The following F13B variants were observed in gnomAD, a reference collection of about 807,000 sequenced individuals.
F13B encodes the protein coagulation factor XIII B chain.
In F13B, 58 loss-of-function variants were observed where a neutral mutation model predicts 79.8. That is an observed-to-expected ratio of 0.73 (90% CI 0.59 to 0.90). The LOEUF (loss-of-function observed/expected upper bound fraction) is 0.90, where lower values mean the gene tolerates loss of function less well. Ranked by LOEUF, F13B falls within the 40% of genes least tolerant of loss-of-function variation. F13B has a pLI of 0.00. For synonymous variants in F13B, 283 were observed against 260.3 expected, an observed-to-expected ratio of 1.09 and a Z score of -0.84; for missense variants, 773 against 777.0, an observed-to-expected ratio of 0.99 and a Z score of 0.06.
At chr1:197,060,298 T>C (rs1655802941) in intron 5 of F13B, 68 bp downstream of exon 5, 2 of 1,184,392 alleles carry the variant, frequency 1.7e-6, no homozygotes, top group Admixed American at 2.0e-5. Flanking sequence ...AGGAATTTTG[T>C]CAGAGCTAAT....
intron 11 of F13B, 175 bp downstream of exon 11, chr1:197,040,347 G>T: frequency 1.7e-6 from 1 of 581,104 alleles, no homozygotes; most frequent in Non-Finnish European, 3.0e-6. Context: ...AAGGCCTGTT[G>T]AATTGATTAC....
chr1:197,062,077 G>T (rs1183163042), intron 2 of F13B, 108 bp from the exon 3 acceptor site: 4 of 928,624 alleles, frequency 4.3e-6, no homozygotes, highest in African/African-American at 3.3e-5. Flanking sequence ...TTTCATTTTG[G>T]AAATATCTGC....
rs753737260 is a variant in F13B at position 197,061,963 on chromosome 1, C to A, written c.272G>T (p.Cys91Phe). 3 of 1,610,966 alleles carry A rather than the reference C, an allele frequency of 1.9e-6. No homozygotes were observed. Among genetic ancestry groups the A allele is most frequent in the African/African-American group, 2.7e-5 (2 of 74,808 alleles). ...ACCATTACTCAGGTCAGGCTTAGTG[C>A]ATTTTTCTATGGGAAAAAAAATTAT... Reference protein sequence around the residue: ...WSPEPRCFKKCTKPDLSNGYI... With the variant: ...WSPEPRCFKKFTKPDLSNGYI... The change falls in exon 3 of 12, where the codon TGC becomes TTC. Residue 91 changes from cysteine (C) to phenylalanine (F), a missense_variant. Cys to Phe is a radical substitution (Grantham distance 205, BLOSUM62 -2). Coordinates refer to ENST00000367412, the MANE Select transcript of F13B (RefSeq NM_001994.3).
Position 197,039,222 on chromosome 1 carries a change from C to A in F13B, c.*156G>T. The A allele has an allele frequency of 3.1e-6, 2 of 652,132 alleles. No individual in the cohort carries two copies. Among genetic ancestry groups the A allele is most frequent in the Non-Finnish European group, 5.3e-6 (2 of 375,606 alleles). The allele number at this position is 652,132 out of a possible 1,614,324, so 40.4% of individuals were successfully genotyped here. Reference sequence around the variant, plus strand: ...TAAAAATTAGACATTTATTGGTTTTCATTTATAAATAACGAAATGTTCAGC... The same window carrying A: ...TAAAAATTAGACATTTATTGGTTTTAATTTATAAATAACGAAATGTTCAGC... On this transcript the variant is annotated 3_prime_UTR_variant, in exon 12 of 12. Transcript: ENST00000367412.
chr1:197,055,414 A>G (rs952412648), intron 8 of F13B, among the ~76,000 whole-genome samples: 3 of 152,040 alleles, frequency 2.0e-5, no homozygotes, highest in African/African-American at 4.8e-5. Context: ...TATACCAGGG[A>G]GGGAATTTCA....
intron 5 of F13B, among the ~76,000 whole-genome samples, chr1:197,058,454 G>C (rs1478460608): frequency 6.6e-6 from 1 of 152,148 alleles, no homozygotes; most frequent in African/African-American, 2.4e-5. Flanking sequence ...GAGATATCAG[G>C]AGAGCCACAT....
chr1:197,063,315 G>A (rs1276976530), intron 1 of F13B, among the ~76,000 whole-genome samples: 10 of 151,884 alleles, frequency 6.6e-5, no homozygotes, highest in Admixed American at 2.6e-4. Context: ...GCATAACTTC[G>A]TAGAACAGTA....
chr1:197,044,243 T>C (rs943449740), intron 10 of F13B, among the ~76,000 whole-genome samples: 2 of 151,670 alleles, frequency 1.3e-5, no homozygotes, highest in African/African-American at 4.8e-5. Context: ...GGCTCAGCAG[T>C]TTCCACGCCC....
intron 10 of F13B, among the ~76,000 whole-genome samples, chr1:197,041,084 T>C (rs1027437780): frequency 6.6e-6 from 1 of 152,158 alleles, no homozygotes; most frequent in African/African-American, 2.4e-5. Flanking sequence ...CTAATGGTCA[T>C]TGATATCATG....
chr1:197,056,152 C>G (rs888211144), intron 7 of F13B, among the ~76,000 whole-genome samples: 2 of 152,088 alleles, frequency 1.3e-5, no homozygotes, highest in Non-Finnish European at 2.9e-5. Flanking sequence ...ATGATATACA[C>G]ATTTCTTAAA....
intron 9 of F13B, among the ~76,000 whole-genome samples, chr1:197,052,272 A>G (rs1655470350): frequency 6.6e-6 from 1 of 152,170 alleles, no homozygotes; most frequent in African/African-American, 2.4e-5. Context: ...CCAAGAAACA[A>G]TAGATGCTGG....
intron 2 of F13B, 111 bp from the exon 3 acceptor site, chr1:197,062,080 A>C: frequency 1.1e-6 from 1 of 907,052 alleles, no homozygotes; most frequent in South Asian, 1.5e-5. Context: ...CATTTTGGAA[A>C]TATCTGCATA....
chr1:197,065,379 T>C (rs1369601431), intron 1 of F13B, among the ~76,000 whole-genome samples: 2 of 152,060 alleles, frequency 1.3e-5, no homozygotes, highest in Non-Finnish European at 2.9e-5. Context: ...ACTAATCACA[T>C]ATAAACCAGG....
intron 8 of F13B, among the ~76,000 whole-genome samples, chr1:197,053,754 G>C (rs896644128): frequency 3.9e-5 from 6 of 151,968 alleles, no homozygotes; most frequent in Admixed American, 3.3e-4. Flanking sequence ...AGGTGATTAG[G>C]GTAGGCCTAA....
chr1:197,050,925 C>T (rs1251003841), intron 9 of F13B, 46 bp from the exon 10 acceptor site: 3 of 1,479,978 alleles, frequency 2.0e-6, no homozygotes, highest in Non-Finnish European at 2.8e-6. Context: ...CTATAATGAA[C>T]ATCCAGTACT....
At position 197,039,288 on chromosome 1, in the gene F13B, C is replaced by T; in HGVS notation, c.*90G>A. On this transcript the variant is annotated 3_prime_UTR_variant, in exon 12 of 12. Coordinates refer to ENST00000367412, the MANE Select transcript of F13B (RefSeq NM_001994.3). ...TCAAATATTTAAGCAAGGAAAAACT[C>T]CGAAGTTTTTAACTTATTTCCTCAA... 2 of 1,110,722 alleles carry T rather than the reference C, an allele frequency of 1.8e-6. No individual in the cohort carries two copies. Among genetic ancestry groups the T allele is most frequent in the Non-Finnish European group, 2.7e-6 (2 of 741,576 alleles). 68.8% of individuals were successfully genotyped at this position (1,110,722 alleles called of 1,614,324 possible). A position where few individuals can be genotyped will look rare whatever the true frequency, so the allele number is the denominator to read the frequency against.
intron 3 of F13B, among the ~76,000 whole-genome samples, chr1:197,061,422 A>G (rs941463216): frequency 3.9e-5 from 6 of 152,138 alleles, no homozygotes; most frequent in African/African-American, 1.4e-4. Flanking sequence ...AAATTATTGA[A>G]CTATTTTTAA....
At chr1:197,056,437 G>C (rs1040609731) in intron 7 of F13B, among the ~76,000 whole-genome samples, 2 of 152,114 alleles carry the variant, frequency 1.3e-5, no homozygotes, top group African/African-American at 2.4e-5. Flanking sequence ...ATTAAGAAAT[G>C]AGATAGATGA....
rs534293437 is a variant in F13B, at chr1:197,045,818, G to C, written c.1738+4879C>G. 2.6e-5 allele frequency among the ~76,000 whole-genome samples: 4 copies of C among 152,220 alleles called. No homozygotes were observed. In the East Asian group the frequency reaches 5.8e-4, roughly 22 times the overall value. On this transcript the variant is annotated intron_variant, in intron 10 of 11. Transcript: ENST00000367412. ...GCACATCAAAAAGCTTATCCACCAC[G>C]ATCAAGATGGCTTCATCCCTGGGAT...
Sources: allele counts gnomAD v4.1 joint callset (sites outside exome capture counted in the v4.1 genomes callset), GRCh38; gene constraint gnomAD v4.1.1; transcripts MANE v1.5; gene names NCBI Gene and HGNC (gene_info 2026-07-23, HGNC 2026-07-21).